The following ICE2 variants were observed in gnomAD, a reference collection of about 807,000 sequenced individuals.
ICE2 encodes little elongation complex subunit 2.
In ICE2, 87 loss-of-function variants were observed where a neutral mutation model predicts 105.4. The observed-to-expected ratio is 0.83, with a 90% confidence interval of 0.69 to 0.99. The LOEUF (loss-of-function observed/expected upper bound fraction) is 0.99. Among genes scored for constraint, ICE2 ranks in the 50% least tolerant of loss-of-function variants. ICE2 has a pLI of 0.00. For missense variants in ICE2, 1,323 were observed against 1,146.7 expected (o/e 1.15, Z -2.22); for synonymous variants, 399 against 392.0 (o/e 1.02, Z -0.21).
At chr15:60,428,348 C>G in intron 15 of ICE2, 81 bp downstream of exon 15, 1 of 1,390,964 alleles carries the variant, frequency 7.2e-7, no homozygotes, top group Non-Finnish European at 9.9e-7. Context: ...ATGAGAACAT[C>G]AGGGTGAAAT....
intron 14 of ICE2, among the ~76,000 whole-genome samples, chr15:60,429,371 T>G (rs990464110): frequency 6.6e-6 from 1 of 152,206 alleles, no homozygotes; most frequent in Non-Finnish European, 1.5e-5. Flanking sequence ...AAGTTGTGAG[T>G]GTAGGCTTAG....
chr15:60,468,078 C>A lies in ICE2; in HGVS notation c.391G>T (p.Asp131Tyr). Residue 131 changes from aspartate (D) to tyrosine (Y), a missense_variant, in exon 4 of 16, where the codon GAC (aspartate) becomes TAC (tyrosine). Coordinates refer to ENST00000261520, the MANE Select transcript of ICE2 (RefSeq NM_024611.6). ...NSKAVGINKN[D>Y]YLQYLDMKKH... The stretch of plus-strand genomic sequence containing the variant: ...ATACATACCAAGTACTGCAAGTAGT[C>A]ATTTTTATTTATTCCAACAGCTTTG... 1.2e-6 allele frequency: 2 copies of A among 1,612,240 alleles called. No individual in the cohort carries two copies. Among genetic ancestry groups the A allele is most frequent in the South Asian group, 2.2e-5 (2 of 90,414 alleles).
At chr15:60,463,330 C>T (rs1345654982) in intron 5 of ICE2, among the ~76,000 whole-genome samples, 1 of 152,076 alleles carries the variant, frequency 6.6e-6, no homozygotes, top group Non-Finnish European at 1.5e-5. Context: ...TTCCGATCAA[C>T]AGGATAAATT....
intron 6 of ICE2, among the ~76,000 whole-genome samples, chr15:60,455,985 G>A (rs746513436): frequency 3.3e-5 from 5 of 151,818 alleles, no homozygotes; most frequent in East Asian, 1.9e-4. Context: ...AAATCATAAC[G>A]GGGATGGTAG....
Position 60,477,982 on chromosome 15 carries a change from C to G in ICE2, c.-5G>C, listed in dbSNP as rs372154103. 6.2e-7 allele frequency: 1 copy of G among 1,613,948 alleles called. No individual in the cohort carries two copies. Among genetic ancestry groups the G allele is most frequent in the Non-Finnish European group, 8.5e-7 (1 of 1,179,882 alleles). On this transcript the variant is annotated 5_prime_UTR_variant, in exon 2 of 16. Coordinates refer to ENST00000261520, the MANE Select transcript of ICE2 (RefSeq NM_024611.6). The stretch of plus-strand genomic sequence containing the variant: ...TATGACCATCTTGGAGCTCATCTTC[C>G]TAGATTTCTGCTTCACTCTAGCTCA...
chr15:60,427,511 C>T (rs1215152689), intron 15 of ICE2, among the ~76,000 whole-genome samples: 1 of 152,150 alleles, frequency 6.6e-6, no homozygotes, highest in African/African-American at 2.4e-5. Context: ...ACCTCTGCCT[C>T]CCAAGTTCAA....
intron 11 of ICE2, 86 bp downstream of exon 11, chr15:60,447,884 A>C: frequency 8.6e-7 from 1 of 1,160,948 alleles, no homozygotes; most frequent in South Asian, 1.5e-5. Flanking sequence ...TGAGTGCTCA[A>C]CAATTTAAAC....
chr15:60,472,993 A>C (rs1439596702), intron 3 of ICE2, among the ~76,000 whole-genome samples: 2 of 151,944 alleles, frequency 1.3e-5, no homozygotes, highest in Non-Finnish European at 2.9e-5. Flanking sequence ...TGTTGTCCAG[A>C]AGTGCAGTGG....
chr15:60,452,318 A>G, intron 9 of ICE2: 2 of 870,324 alleles, frequency 2.3e-6, no homozygotes, highest in Non-Finnish European at 2.8e-6. Flanking sequence ...AAACATTTTT[A>G]TATTTTAAAA....
rs2063227750 is a variant in ICE2 at position 60,420,096 on chromosome 15, A to G, written c.*3538T>C. ...GTTTTGGGATAATTTATTATTCAGCAAATTGGTTATAACCAATATAGCACA... is the reference window on the plus strand; with the variant it reads ...GTTTTGGGATAATTTATTATTCAGCGAATTGGTTATAACCAATATAGCACA... On this transcript the variant is annotated 3_prime_UTR_variant, in exon 16 of 16. Coordinates refer to ENST00000261520, the MANE Select transcript of ICE2 (RefSeq NM_024611.6). 1 of 152,232 alleles carries G rather than the reference A, an allele frequency of 6.6e-6. No homozygotes were observed. Among genetic ancestry groups the G allele is most frequent in the Non-Finnish European group, 1.5e-5 (1 of 68,046 alleles). The allele number at this position is 152,232 out of a possible 1,614,324, so 9.4% of individuals were successfully genotyped here. A position where few individuals can be genotyped will look rare whatever the true frequency, so the allele number is the denominator to read the frequency against.
chr15:60,454,588 A>C lies in ICE2; in HGVS notation c.943+415T>G, dbSNP rs141501509. ...CTTTACACATAAAAAAGTTTCACTG[A>C]ATGTGTCAAACTTACATCCTCCTTA... On this transcript the variant is annotated intron_variant, in intron 8 of 15. Coordinates refer to ENST00000261520, the MANE Select transcript of ICE2 (RefSeq NM_024611.6). 72 of 154,638 alleles carry C rather than the reference A, an allele frequency of 4.7e-4. No homozygotes were observed. The East Asian group carries it at 0.013, about 27-fold the overall frequency. 9.6% of individuals were successfully genotyped at this position (154,638 alleles called of 1,614,324 possible).
In ICE2 at chr15:60,452,322, T is replaced by C. The variant is rs993800419; in HGVS notation, c.1125+1281A>G. ...AAGTACAAGAAAAACATTTTTATAT[T>C]TTAAAATTTTGTTTGCTCCCTCATT... is the stretch of plus-strand genomic sequence containing the variant. On this transcript the variant is annotated intron_variant, in intron 9 of 15. Coordinates refer to ENST00000261520, the MANE Select transcript of ICE2 (RefSeq NM_024611.6). The C allele has an allele frequency of 4.6e-6, 4 of 867,450 alleles. No homozygotes were observed. The African/African-American group carries it at 5.5e-5, about 12-fold the overall frequency. The allele number at this position is 867,450 out of a possible 1,614,324, so 53.7% of individuals were successfully genotyped here.
At position 60,477,119 on chromosome 15, in the gene ICE2, A is replaced by G. The variant is rs145429485; in HGVS notation, c.41+818T>C. The stretch of plus-strand genomic sequence containing the variant: ...CTTAAAGGCATTTATCCAAAAAACT[A>G]TATTAAGGTATTAATGGTAAAATTA... On this transcript the variant is annotated intron_variant, in intron 2 of 15. Coordinates refer to ENST00000261520, the MANE Select transcript of ICE2 (RefSeq NM_024611.6). 1.6e-4 allele frequency among the ~76,000 whole-genome samples: 24 copies of G among 152,364 alleles called. No individual in the cohort carries two copies. The South Asian group carries it at 3.3e-3, about 21-fold the overall frequency.
chr15:60,437,024 G>A (rs1185344017), intron 12 of ICE2, among the ~76,000 whole-genome samples: 3 of 151,896 alleles, frequency 2.0e-5, no homozygotes, highest in East Asian at 1.9e-4. Flanking sequence ...AGGCCGAGGC[G>A]GGCAGATCAC....
chr15:60,433,860 G>A (rs1468488639), intron 13 of ICE2, among the ~76,000 whole-genome samples: 1 of 151,958 alleles, frequency 6.6e-6, no homozygotes, highest in Admixed American at 6.6e-5. Flanking sequence ...AGTAGGGTAG[G>A]GAAAAGCTTT....
rs997229908 is a variant in ICE2, at chr15:60,468,336, T to C, written c.147-14A>G. 2 of 1,581,082 alleles carry C rather than the reference T, an allele frequency of 1.3e-6. No homozygotes were observed. The highest frequency in any genetic ancestry group is 2.7e-5 in the African/African-American group (2 of 73,972). ...TCTCCTATACGTCTGGAAAACAAAA[T>C]ATAATTTACAAATATGTGCTTTTCA... is the stretch of plus-strand genomic sequence containing the variant. On this transcript the variant is annotated splice_polypyrimidine_tract_variant and intron_variant, in intron 3 of 15. Coordinates refer to ENST00000261520, the MANE Select transcript of ICE2 (RefSeq NM_024611.6).
chr15:60,445,102 A>T (rs1279836309), intron 11 of ICE2, among the ~76,000 whole-genome samples: 2 of 152,240 alleles, frequency 1.3e-5, no homozygotes, highest in Non-Finnish European at 2.9e-5. Context: ...CTGGAAACTA[A>T]AATGACAACT....
chr15:60,451,674 C>T, intron 9 of ICE2: 1 of 916,538 alleles, frequency 1.1e-6, no homozygotes, highest in Non-Finnish European at 1.3e-6. Flanking sequence ...AAAACTCAGG[C>T]TGTCATTTCA....
Position 60,423,515 on chromosome 15 carries a change from C to T in ICE2, c.*119G>A, listed in dbSNP as rs140473888. 3.6e-6 allele frequency: 3 copies of T among 842,232 alleles called. No homozygotes were observed. In the East Asian group the frequency reaches 9.5e-5, roughly 27 times the overall value. The allele number at this position is 842,232 out of a possible 1,614,324, so 52.2% of individuals were successfully genotyped here. A position where few individuals can be genotyped will look rare whatever the true frequency, so the allele number is the denominator to read the frequency against. On this transcript the variant is annotated 3_prime_UTR_variant, in exon 16 of 16. Coordinates refer to ENST00000261520, the MANE Select transcript of ICE2 (RefSeq NM_024611.6). The stretch of plus-strand genomic sequence containing the variant: ...ACATAGCCAACACATTTTTTCAAGG[C>T]ACTCTAGCTACTACAGGAAAAATGT...
Sources: gnomAD v4.1 joint callset for allele counts (sites outside exome capture counted in the v4.1 genomes callset) on GRCh38, gnomAD v4.1.1 for gene constraint, MANE v1.5 for transcripts, NCBI Gene and HGNC (gene_info 2026-07-23, HGNC 2026-07-21) for gene names.